DGLUCY: variants seen among roughly 807,000 people sequenced by gnomAD.
DGLUCY encodes D-glutamate cyclase, mitochondrial.
Under a neutral mutation model 58.5 loss-of-function variants are expected in DGLUCY, and 58 were observed. The observed-to-expected ratio is 0.99, with a 90% confidence interval of 0.80 to 1.23. DGLUCY has a LOEUF of 1.23. Ranked by LOEUF, DGLUCY falls within the 50% of genes most tolerant of loss-of-function variation. The probability of loss-of-function intolerance (pLI) is 0.00; values close to 1 mark genes in which losing one functional copy is unlikely to be tolerated. For missense variants in DGLUCY, 779 were observed against 784.7 expected, an observed-to-expected ratio of 0.99 and a Z score of 0.09; for synonymous variants, 325 against 314.1, an observed-to-expected ratio of 1.03 and a Z score of -0.37.
At chr14:91,198,574 T>C (rs1567001081) in intron 10 of DGLUCY, among the ~76,000 whole-genome samples, 1 of 152,106 alleles carries the variant, frequency 6.6e-6, no homozygotes, top group Non-Finnish European at 1.5e-5. Flanking sequence ...CTCAAACTCC[T>C]GGGCTCAAGT....
chr14:91,098,985 A>G (rs1226318480), intron 1 of DGLUCY, among the ~76,000 whole-genome samples: 1 of 152,238 alleles, frequency 6.6e-6, no homozygotes, highest in Non-Finnish European at 1.5e-5. Flanking sequence ...ATTTATCTTG[A>G]TGAGTTAAGT....
chr14:91,214,714 G>A (rs1436147587), intron 12 of DGLUCY, among the ~76,000 whole-genome samples: 3 of 152,220 alleles, frequency 2.0e-5, no homozygotes. Flanking sequence ...TCAAAACTCA[G>A]CCAGGTGCAC....
At chr14:91,132,794 C>T (rs1566957020) in intron 1 of DGLUCY, among the ~76,000 whole-genome samples, 1 of 151,746 alleles carries the variant, frequency 6.6e-6, no homozygotes, top group Non-Finnish European at 1.5e-5. Flanking sequence ...TTTTCATCTT[C>T]CCAAACTGCA....
At chr14:91,138,521 C>A (rs1004424680) in intron 1 of DGLUCY, among the ~76,000 whole-genome samples, 1 of 152,050 alleles carries the variant, frequency 6.6e-6, no homozygotes, top group Non-Finnish European at 1.5e-5. Context: ...AAGAAATATT[C>A]GAGACTGGGT....
rs991951153 is a variant in DGLUCY at position 91,224,978 on chromosome 14, G to T, written c.*145G>T. ...ACTCGCCTGGCCTGGGAAACTGCAT[G>T]CCCACTTTCTGGGAGGGGTTAGTGC... On this transcript the variant is annotated 3_prime_UTR_variant, in exon 14 of 14. Transcript: ENST00000256324. 6 of 949,220 alleles carry T rather than the reference G, an allele frequency of 6.3e-6. No individual in the cohort carries two copies. The African/African-American group carries it at 1.0e-4, about 16-fold the overall frequency. 58.8% of individuals were successfully genotyped at this position (949,220 alleles called of 1,614,324 possible).
chr14:91,099,417 C>T (rs2044447718), intron 1 of DGLUCY, among the ~76,000 whole-genome samples: 1 of 151,820 alleles, frequency 6.6e-6, no homozygotes, highest in African/African-American at 2.4e-5. Context: ...CATGTAGTCC[C>T]AGCTACTGGA....
chr14:91,083,309 G>A (rs2044157803), intron 1 of DGLUCY, among the ~76,000 whole-genome samples: 1 of 152,132 alleles, frequency 6.6e-6, no homozygotes, highest in South Asian at 2.1e-4. Flanking sequence ...ATCACCTGAG[G>A]TCAGGAGTTC....
At position 91,175,481 on chromosome 14, in the gene DGLUCY, G is replaced by A. The variant is rs539051991; in HGVS notation, c.608-453G>A. Among the ~76,000 whole-genome samples, 3 of 152,288 alleles carry A rather than the reference G, an allele frequency of 2.0e-5. No homozygotes were observed. In the East Asian group the frequency reaches 5.8e-4, roughly 29 times the overall value. On this transcript the variant is annotated intron_variant, in intron 6 of 13. Coordinates refer to ENST00000256324, the MANE Select transcript of DGLUCY (RefSeq NM_001102368.3). The stretch of plus-strand genomic sequence containing the variant: ...CACCCACCAGGATGGTGTCTGCTGA[G>A]GAGTTTTATCATTAGCGGGGATGGA...
chr14:91,215,714 T>G, intron 13 of DGLUCY, 158 bp downstream of exon 13: 4 of 1,535,044 alleles, frequency 2.6e-6, no homozygotes, highest in Non-Finnish European at 3.5e-6. Context: ...CTGGATTGGG[T>G]GCCCTTTAAG....
intron 1 of DGLUCY, among the ~76,000 whole-genome samples, chr14:91,157,111 ATGGATGGG>A (rs1293197435): frequency 7.6e-5 from 10 of 132,116 alleles, no homozygotes; most frequent in Non-Finnish European, 1.4e-4. Flanking sequence ...GGATGGATGG[ATGGATGGG>A]TGGATGGATG....
At chr14:91,223,795 T>C in intron 13 of DGLUCY, 1 of 1,005,894 alleles carries the variant, frequency 9.9e-7, no homozygotes, top group East Asian at 6.0e-5. Context: ...GTGCTTTGCT[T>C]GTACGTAATC....
At chr14:91,122,237 T>A (rs1192653951) in intron 1 of DGLUCY, among the ~76,000 whole-genome samples, 1 of 151,884 alleles carries the variant, frequency 6.6e-6, no homozygotes, top group Non-Finnish European at 1.5e-5. Flanking sequence ...CAACCACAGC[T>A]CACTTCAGCC....
At chr14:91,100,386 C>T (rs1024558857) in intron 1 of DGLUCY, among the ~76,000 whole-genome samples, 2 of 152,126 alleles carry the variant, frequency 1.3e-5, no homozygotes, top group African/African-American at 4.8e-5. Context: ...GTCTTGAATG[C>T]CTAATCCAAA....
chr14:91,206,836 C>CT (rs1348264657), intron 12 of DGLUCY, among the ~76,000 whole-genome samples: 3 of 152,124 alleles, frequency 2.0e-5, no homozygotes, highest in African/African-American at 7.2e-5. Context: ...ACCTGGAATT[C>CT]TTTTAAAAGT....
intron 1 of DGLUCY, among the ~76,000 whole-genome samples, chr14:91,143,342 G>C (rs538621689): frequency 6.6e-6 from 1 of 152,018 alleles, no homozygotes. Flanking sequence ...TGATCTGCCC[G>C]CCTCTGCCTC....
At position 91,181,208 on chromosome 14, in the gene DGLUCY, C is replaced by A; in HGVS notation, c.753C>A (p.Ser251Arg). Residue 251 changes from serine to arginine, a missense_variant, in exon 8 of 14, where the codon AGC (serine) becomes AGA (arginine). Coordinates refer to ENST00000256324, the MANE Select transcript of DGLUCY (RefSeq NM_001102368.3). ...SSCETPLAFA[S>R]IPGCTVMTDL... ...TAGAGACCCCACTGGCTTTTGCCAG[C>A]ATCCCAGGCTGCACAGTTATGACTG... 1 of 1,614,162 alleles carries A rather than the reference C, an allele frequency of 6.2e-7. No individual in the cohort carries two copies. Among genetic ancestry groups the A allele is most frequent in the Non-Finnish European group, 8.5e-7 (1 of 1,180,036 alleles).
At chr14:91,224,569 T>G (rs1488397996) in intron 13 of DGLUCY, 115 bp from the exon 14 acceptor site, 1 of 1,254,642 alleles carries the variant, frequency 8.0e-7, no homozygotes, top group Non-Finnish European at 1.1e-6. Flanking sequence ...AATTTTACTT[T>G]TTTAAAAAGC....
chr14:91,116,999 C>A (rs2140120096), intron 1 of DGLUCY, among the ~76,000 whole-genome samples: 1 of 151,112 alleles, frequency 6.6e-6, no homozygotes, highest in South Asian at 2.1e-4. Flanking sequence ...GGCTGCTCGA[C>A]TGAGTATACT....
intron 1 of DGLUCY, among the ~76,000 whole-genome samples, chr14:91,079,514 C>T (rs909913456): frequency 2.6e-5 from 4 of 151,992 alleles, no homozygotes; most frequent in Admixed American, 6.6e-5. Flanking sequence ...CCACCCCACC[C>T]GGCTAGTTTT....
Sources: allele counts gnomAD v4.1 joint callset (sites outside exome capture counted in the v4.1 genomes callset), GRCh38; gene constraint gnomAD v4.1.1; transcripts MANE v1.5; gene names NCBI Gene and HGNC (gene_info 2026-07-23, HGNC 2026-07-21).